The following GPC6 variants were observed in gnomAD, a reference collection of about 807,000 sequenced individuals.
The protein encoded by GPC6 is glypican 6.
A neutral mutation model predicts 55.2 loss-of-function variants in GPC6; 14 were observed. The observed-to-expected ratio is 0.25, with a 90% CI of 0.17 to 0.40. The LOEUF (loss-of-function observed/expected upper bound fraction) is 0.40. GPC6 is among the 10% of genes least tolerant of loss of function. GPC6 has a pLI of 1.00. For synonymous variants in GPC6, 278 were observed against 259.6 expected (o/e 1.07, Z -0.68); for missense variants, 641 against 708.5 (o/e 0.90, Z 1.08).
At position 93,817,790 on chromosome 13, in the gene GPC6, G is replaced by A. The variant is rs1003898370; in HGVS notation, c.320-12364G>A. Among the ~76,000 whole-genome samples the A allele has an allele frequency of 5.3e-5, 8 of 151,810 alleles. 1 individual carries two copies. The highest frequency in any genetic ancestry group is 1.2e-4 in the Non-Finnish European group (8 of 67,974). ...GGGAGGATCCTGGGAGCCCCTGGAG[G>A]GGAAGGTTGCAGAGCCGAGATGGTG... On this transcript the variant is annotated intron_variant, in intron 2 of 8. Coordinates refer to ENST00000377047, the MANE Select transcript of GPC6 (RefSeq NM_005708.5).
chr13:93,854,099 G>T (rs1275256009), intron 3 of GPC6, among the ~76,000 whole-genome samples: 1 of 151,602 alleles, frequency 6.6e-6, no homozygotes, highest in African/African-American at 2.4e-5. Context: ...CTATGCAAAG[G>T]TTGGGGTGTT....
chr13:94,086,791 C>G (rs1885298826), intron 4 of GPC6, among the ~76,000 whole-genome samples: 1 of 152,092 alleles, frequency 6.6e-6, no homozygotes, highest in African/African-American at 2.4e-5. Context: ...TTTTAATAAT[C>G]TTTTTAAAAA....
chr13:94,268,824 A>G (rs905754524), intron 4 of GPC6, among the ~76,000 whole-genome samples: 1 of 152,006 alleles, frequency 6.6e-6, no homozygotes, highest in African/African-American at 2.4e-5. Context: ...CTCATATTTC[A>G]TGACTCTTAT....
chr13:93,992,633 G>C (rs551268034), intron 3 of GPC6, among the ~76,000 whole-genome samples: 1 of 152,176 alleles, frequency 6.6e-6, no homozygotes, highest in East Asian at 1.9e-4. Context: ...GTGATGACAG[G>C]GGCAAATCAA....
At chr13:93,415,622 C>G (rs1876669619) in intron 1 of GPC6, among the ~76,000 whole-genome samples, 1 of 152,020 alleles carries the variant, frequency 6.6e-6, no homozygotes. Context: ...TCGAGAATAC[C>G]ATGCTTTCTA....
rs551186644 is a variant in GPC6, at chr13:93,333,516, T to C, written c.160+105900T>C. ...TTTCAGATTGTTTGCTGTTGGCATATAAAAATGCTATTGAATTTTTTTTTT... is the reference window on the plus strand; with the variant it reads ...TTTCAGATTGTTTGCTGTTGGCATACAAAAATGCTATTGAATTTTTTTTTT... On this transcript the variant is annotated intron_variant, in intron 1 of 8. Coordinates refer to ENST00000377047, the MANE Select transcript of GPC6 (RefSeq NM_005708.5). Among the ~76,000 whole-genome samples, 120 of 150,678 alleles carry C rather than the reference T, an allele frequency of 8.0e-4. 1 individual carries two copies. Among genetic ancestry groups the C allele is most frequent in the African/African-American group, 2.6e-3 (105 of 41,042 alleles).
intron 2 of GPC6, among the ~76,000 whole-genome samples, chr13:93,631,608 G>C (rs1476586261): frequency 6.6e-6 from 1 of 152,206 alleles, no homozygotes; most frequent in East Asian, 1.9e-4. Flanking sequence ...ACGCTGGTCT[G>C]TCAGGTCCCT....
chr13:93,544,974 G>T (rs143107716), intron 1 of GPC6, among the ~76,000 whole-genome samples: 2 of 152,070 alleles, frequency 1.3e-5, no homozygotes, highest in Non-Finnish European at 2.9e-5. Context: ...TTTACTTGAT[G>T]TATTAAAAAT....
rs1881418404 is a variant in GPC6, at chr13:94,407,575, T to C, written c.*4358T>C. On this transcript the variant is annotated 3_prime_UTR_variant, in exon 9 of 9. Transcript: ENST00000377047. ...ACACTCAGCATCTGAAATCAGGAAC[T>C]ATTTGAACTTTAGAACATTTAGAGC... Among the ~76,000 whole-genome samples the C allele has an allele frequency of 6.6e-6, 1 of 152,162 alleles. No individual in the cohort carries two copies. Among genetic ancestry groups the C allele is most frequent in the Admixed American group, 6.5e-5 (1 of 15,280 alleles).
At chr13:93,650,134 T>C (rs1880342377) in intron 2 of GPC6, among the ~76,000 whole-genome samples, 1 of 152,124 alleles carries the variant, frequency 6.6e-6, no homozygotes. Context: ...ATTCAAATAA[T>C]CTACATTTTT....
At chr13:93,441,149 A>G (rs1259291069) in intron 1 of GPC6, among the ~76,000 whole-genome samples, 1 of 152,204 alleles carries the variant, frequency 6.6e-6, no homozygotes, top group Non-Finnish European at 1.5e-5. Flanking sequence ...GTGCCACAAC[A>G]AACATATGTG....
chr13:94,270,961 A>G (rs1339080061), intron 4 of GPC6, among the ~76,000 whole-genome samples: 4 of 130,464 alleles, frequency 3.1e-5, no homozygotes, highest in African/African-American at 5.7e-5. Context: ...ACAGAGAAGT[A>G]TAATTTTTTT....
chr13:94,272,585 C>G (rs546103627), intron 4 of GPC6, among the ~76,000 whole-genome samples: 113 of 150,786 alleles, frequency 7.5e-4, no homozygotes, highest in African/African-American at 2.7e-3. Flanking sequence ...TCTCTTGCCT[C>G]AGCCTCCCAA....
intron 3 of GPC6, among the ~76,000 whole-genome samples, chr13:93,852,039 G>A (rs1888421127): frequency 6.6e-6 from 1 of 151,612 alleles, no homozygotes; most frequent in Non-Finnish European, 1.5e-5. Context: ...AAAGCAAAAT[G>A]TATTCCAAAG....
intron 2 of GPC6, among the ~76,000 whole-genome samples, chr13:93,600,758 T>C (rs963722408): frequency 3.3e-5 from 5 of 151,522 alleles, no homozygotes; most frequent in African/African-American, 9.7e-5. Context: ...GAGCACAGCC[T>C]GGCCAACATA....
At chr13:93,992,371 G>A (rs905456604) in intron 3 of GPC6, among the ~76,000 whole-genome samples, 9 of 152,130 alleles carry the variant, frequency 5.9e-5, no homozygotes, top group African/African-American at 2.2e-4. Context: ...TAGAAGGGTA[G>A]AGCTGGTTCC....
At chr13:93,958,107 G>T (rs2140380051) in intron 3 of GPC6, among the ~76,000 whole-genome samples, 1 of 152,294 alleles carries the variant, frequency 6.6e-6, no homozygotes, top group South Asian at 2.1e-4. Flanking sequence ...ATAGAGTCTA[G>T]ATGTTAGACC....
intron 2 of GPC6, among the ~76,000 whole-genome samples, chr13:93,795,963 C>A (rs541127191): frequency 6.6e-6 from 1 of 151,446 alleles, no homozygotes; most frequent in Non-Finnish European, 1.5e-5. Context: ...TAGTCCAGGT[C>A]ACTTGAGACC....
rs1026343314 is a variant in GPC6, at chr13:94,403,422, A to C, written c.*205A>C. The C allele has an allele frequency of 9.7e-6, 6 of 621,040 alleles. No homozygotes were observed. The highest frequency in any genetic ancestry group is 1.8e-5 in the Non-Finnish European group (6 of 342,250). 38.5% of individuals were successfully genotyped at this position (621,040 alleles called of 1,614,324 possible). ...GAACTGCTTCCTCTTTCCTTCAGCT[A>C]TCTGTGGGGACCTTGTTTATTCTAG... On this transcript the variant is annotated 3_prime_UTR_variant, in exon 9 of 9. Coordinates refer to ENST00000377047, the MANE Select transcript of GPC6 (RefSeq NM_005708.5).
Sources: allele counts gnomAD v4.1 joint callset (sites outside exome capture counted in the v4.1 genomes callset), GRCh38; gene constraint gnomAD v4.1.1; transcripts MANE v1.5; gene names NCBI Gene and HGNC (gene_info 2026-07-23, HGNC 2026-07-21).